The following RALGPS1 variants were observed in gnomAD, a reference collection of about 807,000 sequenced individuals.
RALGPS1 encodes Ral GEF with PH domain and SH3 binding motif 1.
RALGPS1 carries 19 observed loss-of-function variants against 78.8 expected under a neutral mutation model. That is an observed-to-expected ratio of 0.24 (90% confidence interval 0.17 to 0.35). The LOEUF (loss-of-function observed/expected upper bound fraction) is 0.35, where lower values mean the gene tolerates loss of function less well. RALGPS1 is among the 10% of genes least tolerant of loss of function. The pLI is 1.00. For synonymous variants in RALGPS1, 228 were observed against 256.3 expected (o/e 0.89, Z 1.06); for missense variants, 454 against 688.3 (o/e 0.66, Z 3.81).
chr9:127,069,511 G>T (rs1488361034), intron 8 of RALGPS1, 155 bp downstream of exon 8: 33 of 763,780 alleles, frequency 4.3e-5, no homozygotes, highest in Non-Finnish European at 6.4e-5. Flanking sequence ...CAGGCTGTTG[G>T]TACTTCCCAA....
chr9:127,165,405 G>T (rs1006432701), intron 8 of RALGPS1, among the ~76,000 whole-genome samples: 11 of 152,382 alleles, frequency 7.2e-5, no homozygotes, highest in African/African-American at 2.6e-4. Flanking sequence ...GCCTGTGATG[G>T]ATCTTACTAA....
chr9:127,176,573 C>T (rs780284062), intron 11 of RALGPS1, among the ~76,000 whole-genome samples: 8 of 152,208 alleles, frequency 5.3e-5, no homozygotes, highest in Non-Finnish European at 1.0e-4. Flanking sequence ...TCCGAGTCCC[C>T]TCCAAATTAG....
At chr9:127,080,354 T>C (rs566516205) in intron 8 of RALGPS1, among the ~76,000 whole-genome samples, 1 of 152,370 alleles carries the variant, frequency 6.6e-6, no homozygotes, top group South Asian at 2.1e-4. Flanking sequence ...TAAAAATTAT[T>C]CACACTGAAA....
At chr9:127,106,571 A>G (rs956124766) in intron 8 of RALGPS1, among the ~76,000 whole-genome samples, 16 of 152,308 alleles carry the variant, frequency 1.1e-4, no homozygotes, top group African/African-American at 3.8e-4. Context: ...TGACTTGCCT[A>G]ATGTCCCAGA....
At chr9:127,072,316 G>A (rs2050277403) in intron 8 of RALGPS1, among the ~76,000 whole-genome samples, 1 of 152,132 alleles carries the variant, frequency 6.6e-6, no homozygotes, top group African/African-American at 2.4e-5. Context: ...GGGTTGAAGT[G>A]ATCCTCCCGC....
chr9:126,918,400 A>C (rs1202977823), intron 1 of RALGPS1, among the ~76,000 whole-genome samples: 1 of 152,182 alleles, frequency 6.6e-6, no homozygotes, highest in African/African-American at 2.4e-5. Context: ...GCAGTGGCAC[A>C]GTCACGGCTC....
intron 12 of RALGPS1, among the ~76,000 whole-genome samples, chr9:127,196,000 C>T (rs564995227): frequency 6.6e-6 from 1 of 152,358 alleles, no homozygotes; most frequent in African/African-American, 2.4e-5. Context: ...CTCCCTGAGT[C>T]CCCATGCAGG....
intron 7 of RALGPS1, among the ~76,000 whole-genome samples, chr9:127,065,543 C>T (rs898672847): frequency 1.3e-5 from 2 of 152,126 alleles, no homozygotes; most frequent in Non-Finnish European, 2.9e-5. Context: ...TTTCTAATTG[C>T]CTTAAAAAAC....
chr9:127,072,527 T>G lies in RALGPS1; in HGVS notation c.610+3171T>G, dbSNP rs77763980. Among the ~76,000 whole-genome samples the G allele has an allele frequency of 4.9e-3, 745 of 152,356 alleles. 5 individuals are homozygous for G. Among genetic ancestry groups the G allele is most frequent in the Non-Finnish European group, 7.8e-3 (531 of 68,026 alleles). On this transcript the variant is annotated intron_variant, in intron 8 of 18. Transcript: ENST00000259351. Reference sequence around the variant, plus strand: ...AATTGTGTCCATTCTTTGACTATTATGAGTAATGCTTCTATGAATGGCTTA... The same window carrying G: ...AATTGTGTCCATTCTTTGACTATTAGGAGTAATGCTTCTATGAATGGCTTA...
At position 127,091,924 on chromosome 9, in the gene RALGPS1, A is replaced by G. The variant is rs780244230; in HGVS notation, c.610+22568A>G. 3.7e-6 allele frequency: 6 copies of G among 1,613,946 alleles called. No individual in the cohort carries two copies. The Admixed American group carries it at 6.7e-5, about 18-fold the overall frequency. On this transcript the variant is annotated intron_variant, in intron 8 of 18. Coordinates refer to ENST00000259351, the MANE Select transcript of RALGPS1 (RefSeq NM_014636.3). The surrounding 1 kb of genome is among the most constrained non-coding windows in gnomAD (Gnocchi z 4.3). ...CAGGCCCAGCCAGTATTCGCCGTCA[A>G]TGTTCCCAAACCCTTGCTGGGGAAA...
intron 8 of RALGPS1, among the ~76,000 whole-genome samples, chr9:127,134,010 C>T (rs926119075): frequency 4.0e-5 from 6 of 151,014 alleles, no homozygotes. Context: ...CCTCGCTCCC[C>T]CCCCCGTGAA....
intron 4 of RALGPS1, among the ~76,000 whole-genome samples, chr9:126,992,562 G>A (rs576662235): frequency 2.0e-5 from 3 of 152,250 alleles, no homozygotes; most frequent in African/African-American, 7.2e-5. Flanking sequence ...AAGTCTGCTG[G>A]GATTTTGACT....
chr9:127,108,464 C>G (rs1032985271), intron 8 of RALGPS1: 1 of 1,612,012 alleles, frequency 6.2e-7, no homozygotes, highest in Non-Finnish European at 8.5e-7. Context: ...TTGAGCAGCT[C>G]TAGCTCCTGC....
intron 8 of RALGPS1, among the ~76,000 whole-genome samples, chr9:127,092,120 A>C (rs529854761): frequency 6.6e-6 from 1 of 152,264 alleles, no homozygotes; most frequent in Non-Finnish European, 1.5e-5. Flanking sequence ...ATTATTCAAA[A>C]ATATGTAGAG....
In RALGPS1 at chr9:127,210,651, G is replaced by C. The variant is rs1209424379; in HGVS notation, c.1248-1480G>C. On this transcript the variant is annotated intron_variant, in intron 14 of 18. Coordinates refer to ENST00000259351, the MANE Select transcript of RALGPS1 (RefSeq NM_014636.3). Reference sequence around the variant, plus strand: ...CTCTTGCCTCCTTCAGGAGCATCTGGTCTTTCAAAGCTGTTGCTAAAATTT... The same window carrying C: ...CTCTTGCCTCCTTCAGGAGCATCTGCTCTTTCAAAGCTGTTGCTAAAATTT... 2.1e-6 allele frequency: 3 copies of C among 1,438,944 alleles called. No individual in the cohort carries two copies. The East Asian group carries it at 7.4e-5, about 36-fold the overall frequency. 89.1% of individuals were successfully genotyped at this position (1,438,944 alleles called of 1,614,324 possible).
At chr9:126,915,162 C>A (rs1288916381) in intron 1 of RALGPS1, 187 bp downstream of exon 1, 77 of 122,582 alleles carry the variant, frequency 6.3e-4, no homozygotes, top group African/African-American at 2.3e-3. Flanking sequence ...GCCGTGCCTG[C>A]GGGTGCCCGG....
chr9:126,975,244 G>T (rs924295733), intron 3 of RALGPS1, among the ~76,000 whole-genome samples: 2 of 152,154 alleles, frequency 1.3e-5, no homozygotes, highest in East Asian at 3.8e-4. Flanking sequence ...GTTGTTGTTT[G>T]TTTTGAATAA....
intron 8 of RALGPS1, chr9:127,069,687 AC>A (rs1399890174): frequency 3.2e-5 from 6 of 186,850 alleles, no homozygotes; most frequent in African/African-American, 1.2e-4. Flanking sequence ...CATGTCAGGC[AC>A]AAACCCTCTG....
intron 3 of RALGPS1, among the ~76,000 whole-genome samples, chr9:126,973,365 C>G (rs1353374535): frequency 6.6e-6 from 1 of 152,112 alleles, no homozygotes; most frequent in African/African-American, 2.4e-5. Flanking sequence ...GTAAGACACT[C>G]TCTCTAAAAT....
Sources: allele counts gnomAD v4.1 joint callset (sites outside exome capture counted in the v4.1 genomes callset), GRCh38; gene constraint gnomAD v4.1.1; non-coding constraint Gnocchi (gnomAD v3.1); transcripts MANE v1.5; gene names NCBI Gene and HGNC (gene_info 2026-07-23, HGNC 2026-07-21).